Variants in GALNT18 observed in about 807,000 individuals in gnomAD.
The protein encoded by GALNT18 is polypeptide N-acetylgalactosaminyltransferase 18.
Under a neutral mutation model 69.5 loss-of-function variants are expected in GALNT18, and 44 were observed. The ratio of observed to expected loss-of-function variants is 0.63; its 90% CI spans 0.50 to 0.81. The LOEUF is 0.81. Ranked by LOEUF, GALNT18 falls within the 40% of genes least tolerant of loss-of-function variation. The probability of loss-of-function intolerance (pLI) is 0.00; values close to 1 mark genes in which losing one functional copy is unlikely to be tolerated. For synonymous variants in GALNT18, 364 were observed against 318.2 expected (o/e 1.14, Z -1.53); for missense variants, 715 against 810.0 (o/e 0.88, Z 1.42).
At chr11:11,276,782 T>G (rs1229156176) in intron 10 of GALNT18, among the ~76,000 whole-genome samples, 1 of 152,240 alleles carries the variant, frequency 6.6e-6, no homozygotes, top group African/African-American at 2.4e-5. Context: ...GTGGTTTTTG[T>G]CACTGGTTCT....
intron 6 of GALNT18, chr11:11,352,277 C>T (rs748686482): frequency 1.2e-6 from 2 of 1,614,042 alleles, no homozygotes; most frequent in South Asian, 1.1e-5. Flanking sequence ...CAAAGCGTTC[C>T]CATCGCTTTC....
Position 11,454,156 on chromosome 11 carries a change from T to C in GALNT18, c.236-5220A>G, listed in dbSNP as rs142070955. ...GGGAGTAGAAAGGGGGCTGCAGTCCTGTGCCAGCAGGTAGGAGCACAAAGC... is the reference window on the plus strand; with the variant it reads ...GGGAGTAGAAAGGGGGCTGCAGTCCCGTGCCAGCAGGTAGGAGCACAAAGC... On this transcript the variant is annotated intron_variant, in intron 1 of 10. Transcript: ENST00000227756. The surrounding 1 kb of genome is among the most constrained non-coding windows in gnomAD (Gnocchi z 4.2). Among the ~76,000 whole-genome samples the C allele has an allele frequency of 1.3e-5, 2 of 152,336 alleles. No homozygotes were observed. The highest frequency in any genetic ancestry group is 2.4e-5 in the African/African-American group (1 of 41,588).
chr11:11,322,943 C>T (rs772934134), intron 9 of GALNT18, among the ~76,000 whole-genome samples: 1 of 149,606 alleles, frequency 6.7e-6, no homozygotes, highest in Non-Finnish European at 1.5e-5. Flanking sequence ...AGCTAGTGAT[C>T]AGGCTCTTTG....
At chr11:11,416,523 T>C (rs577822197) in intron 3 of GALNT18, among the ~76,000 whole-genome samples, 18 of 152,342 alleles carry the variant, frequency 1.2e-4, no homozygotes, top group Non-Finnish European at 2.2e-4. Flanking sequence ...TTCTAATTCA[T>C]TTCTGTCACC....
At chr11:11,351,912 T>A in intron 6 of GALNT18, 4 of 1,502,258 alleles carry the variant, frequency 2.7e-6, no homozygotes, top group Non-Finnish European at 3.6e-6. Context: ...CTCCCCCACC[T>A]CTGCTCAGGC....
chr11:11,472,328 G>A (rs1021500319), intron 1 of GALNT18, among the ~76,000 whole-genome samples: 6 of 152,168 alleles, frequency 3.9e-5, no homozygotes, highest in African/African-American at 1.4e-4. Context: ...ACGGGGACAG[G>A]GGTACCGCAG....
chr11:11,424,753 C>A (rs986787498), intron 3 of GALNT18, among the ~76,000 whole-genome samples: 1 of 152,038 alleles, frequency 6.6e-6, no homozygotes, highest in South Asian at 2.1e-4. Context: ...CCAGCTGGGG[C>A]GGTGCTAGGG....
chr11:11,507,650 C>T (rs1459440371), intron 1 of GALNT18, among the ~76,000 whole-genome samples: 1 of 152,160 alleles, frequency 6.6e-6, no homozygotes, highest in African/African-American at 2.4e-5. Flanking sequence ...TAGGAGTATC[C>T]TGCTCCACCT....
intron 6 of GALNT18, among the ~76,000 whole-genome samples, chr11:11,355,662 C>T (rs1483293057): frequency 3.9e-5 from 6 of 152,180 alleles, no homozygotes; most frequent in Non-Finnish European, 7.3e-5. Context: ...AAATCATGGT[C>T]TTACTAATCT....
chr11:11,593,372 T>TA (rs760771467), intron 1 of GALNT18, among the ~76,000 whole-genome samples: 8 of 152,278 alleles, frequency 5.3e-5, no homozygotes, highest in Non-Finnish European at 1.2e-4. Context: ...CTCATGAGTC[T>TA]AAAAAAATCT....
intron 10 of GALNT18, among the ~76,000 whole-genome samples, chr11:11,282,241 T>A (rs1015272962): frequency 6.6e-6 from 1 of 152,102 alleles, no homozygotes; most frequent in Admixed American, 6.5e-5. Flanking sequence ...TTTCCCACAC[T>A]CAGTGCCTTC....
rs762911485 is a variant in GALNT18 at position 11,382,947 on chromosome 11, G to A, written c.596-3683C>T. The stretch of plus-strand genomic sequence containing the variant: ...GATCTAGAGTCAATGTGCAGCTGTC[G>A]ATAGCCCATGTTGACAGAGAAATAC... On this transcript the variant is annotated intron_variant, in intron 3 of 10. Coordinates refer to ENST00000227756, the MANE Select transcript of GALNT18 (RefSeq NM_198516.3). This position sits in a 1 kb window ranked among gnomAD's most constrained non-coding sequence, Gnocchi z 4.3. 5.3e-5 allele frequency among the ~76,000 whole-genome samples: 8 copies of A among 152,116 alleles called. No homozygotes were observed. Among genetic ancestry groups the A allele is most frequent in the Non-Finnish European group, 1.0e-4 (7 of 68,022 alleles).
chr11:11,466,415 C>T (rs1856156886), intron 1 of GALNT18, among the ~76,000 whole-genome samples: 1 of 152,172 alleles, frequency 6.6e-6, no homozygotes, highest in African/African-American at 2.4e-5. Flanking sequence ...GTACATGTGC[C>T]ACTTGACTTT....
chr11:11,319,704 G>A (rs1158435184), intron 9 of GALNT18, among the ~76,000 whole-genome samples: 1 of 152,250 alleles, frequency 6.6e-6, no homozygotes, highest in Non-Finnish European at 1.5e-5. Flanking sequence ...TGACGGAGAT[G>A]TCAAAATAAC....
chr11:11,317,215 C>A (rs1008908746), intron 9 of GALNT18, among the ~76,000 whole-genome samples: 5 of 152,324 alleles, frequency 3.3e-5, no homozygotes, highest in Non-Finnish European at 7.4e-5. Context: ...CTATCCAAGG[C>A]CTTCTCTGAG....
At chr11:11,464,305 C>T (rs1856111539) in intron 1 of GALNT18, among the ~76,000 whole-genome samples, 2 of 152,208 alleles carry the variant, frequency 1.3e-5, no homozygotes, top group African/African-American at 2.4e-5. Flanking sequence ...GCCAGCCTTC[C>T]CGGGAGACTC....
intron 1 of GALNT18, among the ~76,000 whole-genome samples, chr11:11,589,977 A>T (rs1859317175): frequency 6.6e-6 from 1 of 152,184 alleles, no homozygotes; most frequent in Admixed American, 6.5e-5. Context: ...AAGAATCCAG[A>T]TCTGAGGTTA....
Position 11,389,281 on chromosome 11 carries a change from G to A in GALNT18, c.596-10017C>T, listed in dbSNP as rs1198539677. Among the ~76,000 whole-genome samples the A allele has an allele frequency of 1.3e-5, 2 of 152,314 alleles. No individual in the cohort carries two copies. Among genetic ancestry groups the A allele is most frequent in the African/African-American group, 4.8e-5 (2 of 41,568 alleles). The stretch of plus-strand genomic sequence containing the variant: ...GCCTTCCGAAGGAGTCAGCTTTGTA[G>A]GCTCAACAGAAGCTCTTCCCCTGGG... On this transcript the variant is annotated intron_variant, in intron 3 of 10. Coordinates refer to ENST00000227756, the MANE Select transcript of GALNT18 (RefSeq NM_198516.3). The surrounding 1 kb of genome is among the most constrained non-coding windows in gnomAD (Gnocchi z 4.3).
At position 11,587,792 on chromosome 11, in the gene GALNT18, C is replaced by A. The variant is rs958399999; in HGVS notation, c.235+33567G>T. ...AAGTCAATGGTTGGTAAAGCCCACC[C>A]CATCTCTAGCCCCCACCCTTTCATT... On this transcript the variant is annotated intron_variant, in intron 1 of 10. Coordinates refer to ENST00000227756, the MANE Select transcript of GALNT18 (RefSeq NM_198516.3). The surrounding 1 kb of genome is among the most constrained non-coding windows in gnomAD (Gnocchi z 4.4). 1.3e-5 allele frequency among the ~76,000 whole-genome samples: 2 copies of A among 152,158 alleles called. No individual in the cohort carries two copies. The highest frequency in any genetic ancestry group is 6.5e-5 in the Admixed American group (1 of 15,284).
Sources: allele counts gnomAD v4.1 joint callset (sites outside exome capture counted in the v4.1 genomes callset), GRCh38; gene constraint gnomAD v4.1.1; non-coding constraint Gnocchi (gnomAD v3.1); transcripts MANE v1.5; gene names NCBI Gene and HGNC (gene_info 2026-07-23, HGNC 2026-07-21).